Variants in GDF6 observed in about 807,000 individuals in gnomAD.
The protein encoded by GDF6 is growth differentiation factor 6, also known as growth/differentiation factor 6.
In GDF6, 3 loss-of-function variants were observed where a neutral mutation model predicts 32.4. That is an observed-to-expected ratio of 0.09 (90% CI 0.04 to 0.24). The LOEUF is 0.24. Among genes scored for constraint, GDF6 ranks in the 10% least tolerant of loss-of-function variants. GDF6 has a pLI of 1.00. For synonymous variants in GDF6, 296 were observed against 295.3 expected (o/e 1.00, Z -0.03); for missense variants, 589 against 637.9 (o/e 0.92, Z 0.83).
chr8:96,152,662 G>T (rs986162954), intron 1 of GDF6, among the ~76,000 whole-genome samples: 2 of 152,210 alleles, frequency 1.3e-5, no homozygotes, highest in African/African-American at 2.4e-5. Context: ...TGTCTTCAGT[G>T]TGTGTTCCTT....
rs764730719 is a variant in GDF6, at chr8:96,142,596, T to C, written c.*1967A>G. The C allele has an allele frequency of 2.0e-5, 3 of 152,660 alleles. No individual in the cohort carries two copies. Among genetic ancestry groups the C allele is most frequent in the Non-Finnish European group, 4.4e-5 (3 of 68,038 alleles). The allele number at this position is 152,660 out of a possible 1,614,324, so 9.5% of individuals were successfully genotyped here. A position where few individuals can be genotyped will look rare whatever the true frequency, so the allele number is the denominator to read the frequency against. Reference sequence around the variant, plus strand: ...AACTTTGTACAACTCGAATATAAACTTTAAAAATATTAGAAATTATAACAT... The same window carrying C: ...AACTTTGTACAACTCGAATATAAACCTTAAAAATATTAGAAATTATAACAT... On this transcript the variant is annotated 3_prime_UTR_variant, in exon 2 of 2. Coordinates refer to ENST00000287020, the MANE Select transcript of GDF6 (RefSeq NM_001001557.4).
chr8:96,145,699 C>A lies in GDF6; in HGVS notation c.407-175G>T, dbSNP rs888284937. On this transcript the variant is annotated intron_variant, in intron 1 of 1. Coordinates refer to ENST00000287020, the MANE Select transcript of GDF6 (RefSeq NM_001001557.4). The surrounding 1 kb of genome is among the most constrained non-coding windows in gnomAD (Gnocchi z 5.6). ...CTCCCCATCTGGCTGGTGCATGGCGCGGGGAAGGGGGCGCGCCAGGACGGG... is the reference window on the plus strand; with the variant it reads ...CTCCCCATCTGGCTGGTGCATGGCGAGGGGAAGGGGGCGCGCCAGGACGGG... Among the ~76,000 whole-genome samples, 1 of 152,122 alleles carries A rather than the reference C, an allele frequency of 6.6e-6. No homozygotes were observed. Among genetic ancestry groups the A allele is most frequent in the Non-Finnish European group, 1.5e-5 (1 of 68,016 alleles).
chr8:96,151,678 AG>A (rs1292066529), intron 1 of GDF6, among the ~76,000 whole-genome samples: 1 of 152,240 alleles, frequency 6.6e-6, no homozygotes, highest in East Asian at 1.9e-4. Flanking sequence ...GAAAATTAAC[AG>A]GGCCACAGAG....
Position 96,160,719 on chromosome 8 carries a change from G to A in GDF6, c.-27C>T, listed in dbSNP as rs200796417. 5.6e-6 allele frequency: 9 copies of A among 1,611,238 alleles called. No homozygotes were observed. In the African/African-American group the frequency reaches 1.2e-4, roughly 22 times the overall value. On this transcript the variant is annotated 5_prime_UTR_variant, in exon 1 of 2. Transcript: ENST00000287020. Reference sequence around the variant, plus strand: ...GCGGGCAAGTGGCTGCGTCTCCCCAGGAGGCGGTGGCGGCGGCGCAGGACG... The same window carrying A: ...GCGGGCAAGTGGCTGCGTCTCCCCAAGAGGCGGTGGCGGCGGCGCAGGACG...
intron 1 of GDF6, among the ~76,000 whole-genome samples, chr8:96,160,083 A>G (rs920595417): frequency 2.0e-5 from 3 of 152,182 alleles, no homozygotes; most frequent in Non-Finnish European, 4.4e-5. Flanking sequence ...AAAGGGGGGG[A>G]AAGGAAGGGA....
chr8:96,144,995 C>A lies in GDF6; in HGVS notation c.936G>T (p.Ser312=), dbSNP rs148861809. 8 of 1,379,726 alleles carry A rather than the reference C, an allele frequency of 5.8e-6. No homozygotes were observed. Among genetic ancestry groups the A allele is most frequent in the South Asian group, 3.5e-5 (2 of 56,464 alleles). The allele number at this position is 1,379,726 out of a possible 1,614,324, so 85.5% of individuals were successfully genotyped here. ...CCGGGGCGCCCGACGGCGGCGGCCA[C>A]GACCCCTCGGCGCCCGCGCCCGGGC... ...AAGPGAGAEG[S]WPPPSGAPDA... is the part of the protein sequence containing the mutation. Residue 312 remains serine (S), a synonymous_variant, in exon 2 of 2, where the codon TCG becomes TCT. Coordinates refer to ENST00000287020, the MANE Select transcript of GDF6 (RefSeq NM_001001557.4). The surrounding 1 kb of genome is among the most constrained non-coding windows in gnomAD (Gnocchi z 5.1).
At chr8:96,160,226 A>C (rs1812736746) in intron 1 of GDF6, 61 bp downstream of exon 1, 1 of 1,545,158 alleles carries the variant, frequency 6.5e-7, no homozygotes, top group Admixed American at 1.7e-5. Flanking sequence ...TCCAGCGGGA[A>C]CAGCTCCCTG....
chr8:96,146,949 T>G (rs919284771), intron 1 of GDF6, among the ~76,000 whole-genome samples: 1 of 152,188 alleles, frequency 6.6e-6, no homozygotes, highest in African/African-American at 2.4e-5. Flanking sequence ...CAACTCCACT[T>G]CAATGTGCAA....
At chr8:96,160,117 C>T (rs1475483268) in intron 1 of GDF6, among the ~76,000 whole-genome samples, 170 bp downstream of exon 1, 2 of 152,164 alleles carry the variant, frequency 1.3e-5, no homozygotes, top group East Asian at 1.9e-4. Context: ...GAATAGAATC[C>T]GCAGCCACAT....
At chr8:96,157,955 T>G (rs978008964) in intron 1 of GDF6, among the ~76,000 whole-genome samples, 4 of 152,030 alleles carry the variant, frequency 2.6e-5, no homozygotes, top group African/African-American at 9.7e-5. Flanking sequence ...ACGCACCCCC[T>G]CCTCTGCGCA....
chr8:96,147,144 G>A (rs1812500277), intron 1 of GDF6, among the ~76,000 whole-genome samples: 1 of 152,184 alleles, frequency 6.6e-6, no homozygotes, highest in African/African-American at 2.4e-5. Context: ...TGTAGCCCGG[G>A]GGCACTGGCT....
intron 1 of GDF6, among the ~76,000 whole-genome samples, chr8:96,148,036 G>A (rs192504259): frequency 9.9e-5 from 15 of 152,276 alleles, no homozygotes; most frequent in Admixed American, 3.3e-4. Flanking sequence ...TGATTAATTT[G>A]CACAGCTGAG....
rs1812616440 is a variant in GDF6 at position 96,154,048 on chromosome 8, G to A, written c.406+6239C>T. On this transcript the variant is annotated intron_variant, in intron 1 of 1. Coordinates refer to ENST00000287020, the MANE Select transcript of GDF6 (RefSeq NM_001001557.4). Reference sequence around the variant, plus strand: ...GCTGGACCAATTTGCCTGGAAGCCAGGTTTGCAAAGCAGGCGCACCGATTC... The same window carrying A: ...GCTGGACCAATTTGCCTGGAAGCCAAGTTTGCAAAGCAGGCGCACCGATTC... Among the ~76,000 whole-genome samples, 2 of 152,150 alleles carry A rather than the reference G, an allele frequency of 1.3e-5. 1 individual carries two copies. Among genetic ancestry groups the A allele is most frequent in the South Asian group, 4.1e-4 (2 of 4,828 alleles).
intron 1 of GDF6, 45 bp downstream of exon 1, chr8:96,160,242 C>T (rs1401333382): frequency 1.9e-6 from 3 of 1,604,560 alleles, no homozygotes; most frequent in Non-Finnish European, 2.6e-6. Flanking sequence ...CCCTGGCTGC[C>T]GAGCTCCAGC....
chr8:96,159,392 T>G (rs1812722186), intron 1 of GDF6, among the ~76,000 whole-genome samples: 1 of 152,080 alleles, frequency 6.6e-6, no homozygotes, highest in African/African-American at 2.4e-5. Context: ...TCAACGCCGG[T>G]GGCAAGAAGG....
intron 1 of GDF6, among the ~76,000 whole-genome samples, chr8:96,159,112 C>T (rs1812717758): frequency 6.6e-6 from 1 of 152,194 alleles, no homozygotes; most frequent in Admixed American, 6.5e-5. Context: ...TCCGGGCAAC[C>T]CCACTTAACT....
chr8:96,155,175 C>G lies in GDF6; in HGVS notation c.406+5112G>C, dbSNP rs534438522. On this transcript the variant is annotated intron_variant, in intron 1 of 1. Transcript: ENST00000287020. ...TCCACCGCGCGAACTCCCAGAGGCC[C>G]GAGAGCCTCCCGCGTTGAGGAAAAC... Among the ~76,000 whole-genome samples the G allele has an allele frequency of 2.3e-4, 35 of 152,360 alleles. No individual in the cohort carries two copies. In the South Asian group the frequency reaches 6.4e-3, roughly 28 times the overall value.
intron 1 of GDF6, among the ~76,000 whole-genome samples, chr8:96,159,143 G>C (rs1258103821): frequency 6.6e-6 from 1 of 152,238 alleles, no homozygotes; most frequent in Admixed American, 6.5e-5. Flanking sequence ...CAAAGTCATG[G>C]AGCTAAGTCT....
At chr8:96,152,269 G>A (rs1458815129) in intron 1 of GDF6, among the ~76,000 whole-genome samples, 3 of 152,172 alleles carry the variant, frequency 2.0e-5, no homozygotes, top group Admixed American at 1.3e-4. Context: ...CACCACTGCT[G>A]TCCCTCCCAC....
Sources: allele counts gnomAD v4.1 joint callset (sites outside exome capture counted in the v4.1 genomes callset), GRCh38; gene constraint gnomAD v4.1.1; non-coding constraint Gnocchi (gnomAD v3.1); transcripts MANE v1.5; gene names NCBI Gene and HGNC (gene_info 2026-07-23, HGNC 2026-07-21).